The following HIVEP3 variants were observed in gnomAD, a reference collection of about 807,000 sequenced individuals.
HIVEP3 encodes the protein HIVEP zinc finger 3.
In HIVEP3, 49 loss-of-function variants were observed where a neutral mutation model predicts 152.8. The ratio of observed to expected loss-of-function variants is 0.32; its 90% CI spans 0.26 to 0.41. HIVEP3 has a LOEUF of 0.41. Among genes scored for constraint, HIVEP3 ranks in the 10% least tolerant of loss-of-function variants. The probability of loss-of-function intolerance (pLI) is 1.00; values close to 1 mark genes in which losing one functional copy is unlikely to be tolerated. For missense variants in HIVEP3, 2,790 were observed against 3,103.3 expected (o/e 0.90, Z 2.40); for synonymous variants, 1,269 against 1,289.0 (o/e 0.98, Z 0.33).
At chr1:41,884,882 T>G (rs1452204139) in intron 1 of HIVEP3, among the ~76,000 whole-genome samples, 1 of 149,386 alleles carries the variant, frequency 6.7e-6, no homozygotes, top group Non-Finnish European at 1.5e-5. Context: ...GGACTCACCT[T>G]TCAAATTTAA....
In HIVEP3 at chr1:41,858,712, A is replaced by T. The variant is rs146445186; in HGVS notation, c.-801+59701T>A. Among the ~76,000 whole-genome samples the T allele has an allele frequency of 2.4e-3, 359 of 152,352 alleles. 1 individual carries two copies. Among genetic ancestry groups the T allele is most frequent in the African/African-American group, 8.3e-3 (347 of 41,580 alleles). On this transcript the variant is annotated intron_variant, in intron 1 of 8. Coordinates refer to ENST00000372583, the MANE Select transcript of HIVEP3 (RefSeq NM_024503.5). ...AACAGTGTCAGATAATGTCAGAGAGAGAAAACAGCCACAAGAAAGTAAAAC... is the reference window on the plus strand; with the variant it reads ...AACAGTGTCAGATAATGTCAGAGAGTGAAAACAGCCACAAGAAAGTAAAAC...
intron 3 of HIVEP3, among the ~76,000 whole-genome samples, chr1:41,595,203 T>C (rs1318452612): frequency 6.6e-6 from 1 of 152,198 alleles, no homozygotes; most frequent in Non-Finnish European, 1.5e-5. Flanking sequence ...TCACCTTGCT[T>C]CCAGGTTTCT....
intron 1 of HIVEP3, among the ~76,000 whole-genome samples, chr1:41,813,296 A>G (rs1192082716): frequency 6.6e-6 from 1 of 152,146 alleles, no homozygotes; most frequent in African/African-American, 2.4e-5. Flanking sequence ...CATTTGGCCC[A>G]CAGCCTCCAC....
At chr1:41,863,299 G>A (rs1369480263) in intron 1 of HIVEP3, among the ~76,000 whole-genome samples, 1 of 152,208 alleles carries the variant, frequency 6.6e-6, no homozygotes, top group African/African-American at 2.4e-5. Flanking sequence ...GCTGGAAAAG[G>A]ATGGCAGGAA....
intron 5 of HIVEP3, among the ~76,000 whole-genome samples, chr1:41,529,657 C>G (rs1207460751): frequency 1.2e-4 from 18 of 146,710 alleles, no homozygotes; most frequent in African/African-American, 4.3e-4. Context: ...CACACTCACG[C>G]CCCTACACAC....
At chr1:41,952,127 C>G (rs1226006201) in intron 1 of HIVEP3, among the ~76,000 whole-genome samples, 1 of 152,158 alleles carries the variant, frequency 6.6e-6, no homozygotes, top group Non-Finnish European at 1.5e-5. Context: ...TACATTCTCT[C>G]TAGCTCATCT....
At chr1:41,935,309 G>A (rs183046231) in intron 1 of HIVEP3, among the ~76,000 whole-genome samples, 18 of 152,246 alleles carry the variant, frequency 1.2e-4, no homozygotes, top group African/African-American at 3.6e-4. Context: ...TCCCAGGTCA[G>A]ATTTTAAAGT....
At chr1:41,552,898 G>C (rs1643911618) in intron 5 of HIVEP3, among the ~76,000 whole-genome samples, 1 of 152,188 alleles carries the variant, frequency 6.6e-6, no homozygotes, top group Non-Finnish European at 1.5e-5. Context: ...TACATTTGCT[G>C]AGGAGTGCTT....
chr1:41,777,747 C>T (rs887182148), intron 1 of HIVEP3, among the ~76,000 whole-genome samples: 2 of 152,252 alleles, frequency 1.3e-5, no homozygotes, highest in African/African-American at 4.8e-5. Flanking sequence ...CAAACATCTG[C>T]TGGGGGCTTC....
At chr1:41,819,492 T>C (rs1433039612) in intron 1 of HIVEP3, among the ~76,000 whole-genome samples, 1 of 152,212 alleles carries the variant, frequency 6.6e-6, no homozygotes, top group African/African-American at 2.4e-5. Flanking sequence ...TTTGAGTTCT[T>C]CTTTACCAAT....
intron 1 of HIVEP3, among the ~76,000 whole-genome samples, chr1:41,958,343 C>T (rs976587270): frequency 1.3e-5 from 2 of 152,228 alleles, no homozygotes; most frequent in African/African-American, 4.8e-5. Context: ...AAGGATTATA[C>T]ACCATTCTGA....
At position 41,583,492 on chromosome 1, in the gene HIVEP3, A is replaced by T. The variant is rs146224903; in HGVS notation, c.1306T>A (p.Ser436Thr). ...GQRTAMLTAT[S>T]TQPLLPLSTE... ...GACAGGGGCAGGAGGGGCTGGGTGGAGGTGGCTGTCAGCATGGCGGTCCGC... is the reference window on the plus strand; with the variant it reads ...GACAGGGGCAGGAGGGGCTGGGTGGTGGTGGCTGTCAGCATGGCGGTCCGC... The change falls in exon 4 of 9, where the codon TCC (serine) becomes ACC (threonine). Residue 436 changes from serine (S) to threonine (T), a missense_variant. This residue lies in a region of HIVEP3 where 134 missense variants were observed against 242.5 expected (regional missense o/e 0.55). Transcript: ENST00000372583. This position sits in a 1 kb window ranked among gnomAD's most constrained non-coding sequence, Gnocchi z 6.9. The T allele has an allele frequency of 4.3e-6, 7 of 1,613,668 alleles. No homozygotes were observed. In the African/African-American group the frequency reaches 9.4e-5, roughly 22 times the overall value.
chr1:41,669,672 C>T (rs146476617), intron 2 of HIVEP3, among the ~76,000 whole-genome samples: 45 of 152,254 alleles, frequency 3.0e-4, no homozygotes, highest in Non-Finnish European at 5.0e-4. Flanking sequence ...GGGTCTCAAG[C>T]CTACCCACTT....
chr1:41,929,726 T>TATATATATATATA (rs1553135852), intron 1 of HIVEP3, among the ~76,000 whole-genome samples: 4,736 of 112,278 alleles, frequency 0.042, 445 homozygotes, highest in African/African-American at 0.076. Flanking sequence ...ATATGTGTTT[T>TATATATATATATA]TATATATATA....
chr1:41,825,420 G>A (rs773540124), intron 1 of HIVEP3, among the ~76,000 whole-genome samples: 10 of 151,918 alleles, frequency 6.6e-5, no homozygotes, highest in Non-Finnish European at 7.4e-5. Context: ...ACAGGTGCTC[G>A]CCACCACGCC....
chr1:42,002,381 C>T (rs929234427), intron 1 of HIVEP3, among the ~76,000 whole-genome samples: 1 of 152,242 alleles, frequency 6.6e-6, no homozygotes, highest in African/African-American at 2.4e-5. Context: ...CTGTGTCAGT[C>T]GCGAAAGAGT....
intron 1 of HIVEP3, among the ~76,000 whole-genome samples, chr1:41,875,732 C>T (rs1039700622): frequency 1.3e-5 from 2 of 152,210 alleles, no homozygotes; most frequent in Admixed American, 6.5e-5. Context: ...GCAGGTGCCC[C>T]GTCACTGGTA....
chr1:41,748,230 G>T (rs1210176296), intron 1 of HIVEP3, among the ~76,000 whole-genome samples: 2 of 152,028 alleles, frequency 1.3e-5, no homozygotes, highest in African/African-American at 4.8e-5. Flanking sequence ...CTGGCTTTAG[G>T]TTCCTCTGGG....
intron 1 of HIVEP3, among the ~76,000 whole-genome samples, chr1:41,964,048 A>T (rs1265114195): frequency 6.6e-6 from 1 of 152,172 alleles, no homozygotes; most frequent in Non-Finnish European, 1.5e-5. Context: ...TCAGAATTTG[A>T]CCTTATTTGG....
Sources: gnomAD v4.1 joint callset for allele counts (sites outside exome capture counted in the v4.1 genomes callset) on GRCh38, gnomAD v4.1.1 for gene constraint, gnomAD v4.1.1 regional missense constraint, Gnocchi (gnomAD v3.1) non-coding constraint, MANE v1.5 for transcripts, NCBI Gene and HGNC (gene_info 2026-07-23, HGNC 2026-07-21) for gene names.